Variants in FMN1 observed in about 807,000 individuals in gnomAD.
FMN1 encodes the protein formin 1, also known as formin-1.
In FMN1, 110 loss-of-function variants were observed where a neutral mutation model predicts 132.4. The observed-to-expected ratio is 0.83, with a 90% CI of 0.71 to 0.97. The LOEUF is 0.97. Ranked by LOEUF, FMN1 falls within the 50% of genes least tolerant of loss-of-function variation. FMN1 has a pLI of 0.00. For missense variants in FMN1, 1,792 were observed against 1,705.3 expected (o/e 1.05, Z -0.90); for synonymous variants, 722 against 651.7 (o/e 1.11, Z -1.64).
At chr15:33,002,386 G>C (rs1187369468) in intron 7 of FMN1, among the ~76,000 whole-genome samples, 1 of 152,182 alleles carries the variant, frequency 6.6e-6, no homozygotes, top group African/African-American at 2.4e-5. Flanking sequence ...CAAAAGATGA[G>C]TCCACTACTT....
chr15:33,067,865 G>C (rs773285157), intron 5 of FMN1: 4 of 1,611,424 alleles, frequency 2.5e-6, no homozygotes, highest in Non-Finnish European at 2.5e-6. Flanking sequence ...GCCATCCAGA[G>C]AATTATCAAC....
chr15:32,873,797 G>C (rs1030391626), intron 16 of FMN1, among the ~76,000 whole-genome samples: 3 of 152,116 alleles, frequency 2.0e-5, no homozygotes, highest in African/African-American at 7.2e-5. Context: ...AAGACTAGGT[G>C]ATAAAACTTA....
chr15:33,099,116 A>C (rs574569946), intron 4 of FMN1, among the ~76,000 whole-genome samples: 1 of 151,930 alleles, frequency 6.6e-6, no homozygotes, highest in Admixed American at 6.6e-5. Context: ...CTCCATCTAC[A>C]AAAAAAAGAC....
At position 33,154,528 on chromosome 15, in the gene FMN1, C is replaced by T. The variant is rs566904064; in HGVS notation, c.387G>A (p.Glu129=). Residue 129 remains glutamate, a synonymous_variant, in exon 4 of 21, where the codon GAG becomes GAA. Coordinates refer to ENST00000616417, the MANE Select transcript of FMN1 (RefSeq NM_001277313.2). ...LQELSVSLAP[E]DDCFQSAGDW... ...CACCAGCACTCTGGAAACAGTCATC[C>T]TCGGGGGCCAGGCTCACGGACAGCT... The T allele has an allele frequency of 1.2e-5, 19 of 1,536,092 alleles. No individual in the cohort carries two copies. In the East Asian group the frequency reaches 4.4e-4, roughly 36 times the overall value.
intron 4 of FMN1, among the ~76,000 whole-genome samples, chr15:33,108,273 A>G (rs1044386307): frequency 6.6e-6 from 1 of 152,096 alleles, no homozygotes; most frequent in African/African-American, 2.4e-5. Context: ...TCAGACAACT[A>G]AACACTGCTT....
chr15:33,137,611 T>C (rs961481105), intron 4 of FMN1, among the ~76,000 whole-genome samples: 1 of 152,212 alleles, frequency 6.6e-6, no homozygotes, highest in African/African-American at 2.4e-5. Context: ...TCAGATTCCA[T>C]ACAAGAAATT....
chr15:33,127,318 C>T (rs1456807672), intron 4 of FMN1, among the ~76,000 whole-genome samples: 1 of 152,058 alleles, frequency 6.6e-6, no homozygotes, highest in Non-Finnish European at 1.5e-5. Context: ...GTTAATGCTC[C>T]TCCACATTCA....
intron 15 of FMN1, among the ~76,000 whole-genome samples, chr15:32,895,182 T>C (rs1596207898): frequency 6.6e-6 from 1 of 152,118 alleles, no homozygotes; most frequent in East Asian, 1.9e-4. Flanking sequence ...TACAGAAAGG[T>C]TGAAAACCTT....
At position 33,164,416 on chromosome 15, in the gene FMN1, C is replaced by T. The variant is rs544159943; in HGVS notation, c.-131-9371G>A. Among the ~76,000 whole-genome samples, 51 of 152,158 alleles carry T rather than the reference C, an allele frequency of 3.4e-4. No homozygotes were observed. In the Middle Eastern group the frequency reaches 0.01, roughly 30 times the overall value. ...CAGCCAATATAACTATTTTAGAGGA[C>T]GAGTTTCTGGCCAAAGTCACAGCTG... On this transcript the variant is annotated intron_variant, in intron 3 of 20. Coordinates refer to ENST00000616417, the MANE Select transcript of FMN1 (RefSeq NM_001277313.2).
rs983525963 is a variant in FMN1 at position 33,155,226 on chromosome 15, T to G, written c.-131-181A>C. Among the ~76,000 whole-genome samples the G allele has an allele frequency of 3.9e-5, 6 of 152,122 alleles. No homozygotes were observed. In the East Asian group the frequency reaches 1.2e-3, roughly 29 times the overall value. ...TCACTCCCACCCTACTCCTGATCAG[T>G]AGAACTTTTGTATAACTGAGAGATG... On this transcript the variant is annotated intron_variant, in intron 3 of 20. Transcript: ENST00000616417.
intron 7 of FMN1, among the ~76,000 whole-genome samples, chr15:32,975,571 C>A (rs2032135164): frequency 6.6e-6 from 1 of 152,188 alleles, no homozygotes; most frequent in African/African-American, 2.4e-5. Flanking sequence ...ACTAAACACT[C>A]TTCTGATCTC....
intron 17 of FMN1, among the ~76,000 whole-genome samples, chr15:32,816,284 C>T (rs570755117): frequency 6.6e-6 from 1 of 152,184 alleles, no homozygotes; most frequent in African/African-American, 2.4e-5. Context: ...CGGGAAAATG[C>T]TATGACAAAA....
At chr15:33,116,985 TATC>T (rs998983162) in intron 4 of FMN1, among the ~76,000 whole-genome samples, 8 of 152,306 alleles carry the variant, frequency 5.3e-5, no homozygotes, top group South Asian at 2.1e-4. Flanking sequence ...CCACTATTCC[TATC>T]ATTACCACAA....
intron 5 of FMN1, among the ~76,000 whole-genome samples, chr15:33,078,645 A>G (rs1464466743): frequency 1.5e-5 from 1 of 66,078 alleles, no homozygotes; most frequent in African/African-American, 5.4e-5. Flanking sequence ...AAAAGGCAAC[A>G]AAAAAAAAAA....
In FMN1 at chr15:33,032,781, G is replaced by C. The variant is rs116137913; in HGVS notation, c.2162-24706C>G. ...GTAAAGCCACACAATTAAGACAACCGATTCCATACCCAGAAGGCCTGGTTC... is the reference window on the plus strand; with the variant it reads ...GTAAAGCCACACAATTAAGACAACCCATTCCATACCCAGAAGGCCTGGTTC... On this transcript the variant is annotated intron_variant, in intron 6 of 20. Transcript: ENST00000616417. Among the ~76,000 whole-genome samples, 1,059 of 152,228 alleles carry C rather than the reference G, an allele frequency of 7.0e-3. 13 individuals are homozygous for C. The highest frequency in any genetic ancestry group is 0.025 in the African/African-American group (1,021 of 41,540).
chr15:33,129,933 C>T (rs1963464014), intron 4 of FMN1, among the ~76,000 whole-genome samples: 1 of 152,122 alleles, frequency 6.6e-6, no homozygotes, highest in East Asian at 1.9e-4. Flanking sequence ...GCTGGGACTA[C>T]AGGCACACGC....
intron 4 of FMN1, among the ~76,000 whole-genome samples, chr15:33,131,884 C>T (rs1963563988): frequency 1.3e-5 from 2 of 152,056 alleles, no homozygotes; most frequent in Admixed American, 6.6e-5. Context: ...TTTTAAGATC[C>T]CCAAAGAAAG....
chr15:33,098,830 ACT>A (rs912093956), intron 4 of FMN1, among the ~76,000 whole-genome samples: 6 of 150,992 alleles, frequency 4.0e-5, no homozygotes, highest in Non-Finnish European at 5.9e-5. Flanking sequence ...TTCCTGTAAT[ACT>A]CTCTCCTCCC....
intron 9 of FMN1, among the ~76,000 whole-genome samples, chr15:32,959,146 C>T (rs1238608832): frequency 2.0e-5 from 3 of 151,586 alleles, no homozygotes; most frequent in Non-Finnish European, 2.9e-5. Context: ...CAGTAATGTA[C>T]CCAGCACTTT....
Sources: gnomAD v4.1 joint callset for allele counts (sites outside exome capture counted in the v4.1 genomes callset) on GRCh38, gnomAD v4.1.1 for gene constraint, MANE v1.5 for transcripts, NCBI Gene and HGNC (gene_info 2026-07-23, HGNC 2026-07-21) for gene names.